Variants in HTR1F observed in about 807,000 individuals in gnomAD.
HTR1F encodes 5-hydroxytryptamine (serotonin) receptor 1F, G protein-coupled.
In HTR1F, 17 loss-of-function variants were observed where a neutral mutation model predicts 24.0. The ratio of observed to expected loss-of-function variants is 0.71; its 90% CI spans 0.48 to 1.06. The LOEUF is 1.06. Ranked by LOEUF, HTR1F falls within the 50% of genes least tolerant of loss-of-function variation. The pLI is 0.00. For synonymous variants in HTR1F, 186 were observed against 156.8 expected (o/e 1.19, Z -1.39); for missense variants, 391 against 427.8 (o/e 0.91, Z 0.76).
chr3:87,833,683 A>T (rs1485553799), intron 2 of HTR1F, among the ~76,000 whole-genome samples: 3 of 152,114 alleles, frequency 2.0e-5, no homozygotes, highest in South Asian at 4.1e-4. Flanking sequence ...CTAGGGTTTC[A>T]CTATATTGCC....
intron 2 of HTR1F, among the ~76,000 whole-genome samples, chr3:87,864,174 C>G (rs761534029): frequency 1.3e-5 from 2 of 152,186 alleles, no homozygotes; most frequent in African/African-American, 2.4e-5. Context: ...AACCTGAACT[C>G]CATCTGCTTC....
At chr3:87,926,764 T>C (rs1704135529) in intron 2 of HTR1F, among the ~76,000 whole-genome samples, 1 of 152,116 alleles carries the variant, frequency 6.6e-6, no homozygotes, top group South Asian at 2.1e-4. Flanking sequence ...TATTACTAAA[T>C]TTTATAAAAT....
intron 2 of HTR1F, among the ~76,000 whole-genome samples, chr3:87,830,264 G>C (rs1352377153): frequency 6.6e-6 from 1 of 151,988 alleles, no homozygotes; most frequent in Non-Finnish European, 1.5e-5. Flanking sequence ...TGGTGTAAAA[G>C]GTAGAACAGT....
chr3:87,848,352 C>T (rs1260892923), intron 2 of HTR1F, among the ~76,000 whole-genome samples: 2 of 151,546 alleles, frequency 1.3e-5, no homozygotes, highest in Admixed American at 6.6e-5. Context: ...GCCCTTTTGC[C>T]CATTTTTTAG....
In HTR1F at chr3:87,844,605, T is replaced by C. The variant is rs1704894228; in HGVS notation, c.-43+22481T>C. ...GTTTTAGACATGAAGTCCTTGCCCA[T>C]GCCTATGTCCTGAATGGTAATGCCT... On this transcript the variant is annotated intron_variant, in intron 2 of 2. Coordinates refer to ENST00000319595, the MANE Select transcript of HTR1F (RefSeq NM_001322209.2). Among the ~76,000 whole-genome samples, 3 of 124,032 alleles carry C rather than the reference T, an allele frequency of 2.4e-5. No individual in the cohort carries two copies. The South Asian group carries it at 8.2e-4, about 34-fold the overall frequency. 81.4% of individuals were successfully genotyped at this position (124,032 alleles called of 152,430 possible).
chr3:87,796,855 G>C (rs1162899603), intron 1 of HTR1F, among the ~76,000 whole-genome samples: 1 of 152,158 alleles, frequency 6.6e-6, no homozygotes, highest in Admixed American at 6.6e-5. Context: ...TTATCTTATA[G>C]ATATGCTTGC....
intron 2 of HTR1F, among the ~76,000 whole-genome samples, chr3:87,931,192 TC>T (rs1054326305): frequency 1.3e-5 from 2 of 151,846 alleles, no homozygotes; most frequent in South Asian, 2.1e-4. Flanking sequence ...ATGCTATCAC[TC>T]CCCCCTCCCC....
chr3:87,983,073 G>A (rs1456271123), intron 2 of HTR1F, among the ~76,000 whole-genome samples: 3 of 152,024 alleles, frequency 2.0e-5, no homozygotes, highest in African/African-American at 4.8e-5. Context: ...ACAAACTAAC[G>A]GGAACATAAT....
intron 2 of HTR1F, among the ~76,000 whole-genome samples, chr3:87,920,660 T>C (rs1309197602): frequency 2.0e-5 from 3 of 151,878 alleles, no homozygotes; most frequent in Admixed American, 6.6e-5. Flanking sequence ...CACTTATAAA[T>C]GGGAGCTAAA....
At chr3:87,849,367 C>T (rs1041244676) in intron 2 of HTR1F, among the ~76,000 whole-genome samples, 2 of 151,606 alleles carry the variant, frequency 1.3e-5, no homozygotes, top group African/African-American at 4.9e-5. Context: ...AAAGGATTCC[C>T]TATTTAATAA....
Position 87,845,312 on chromosome 3 carries a change from A to G in HTR1F, c.-43+23188A>G, listed in dbSNP as rs529687944. Among the ~76,000 whole-genome samples the G allele has an allele frequency of 2.6e-5, 4 of 151,994 alleles. No individual in the cohort carries two copies. In the South Asian group the frequency reaches 8.3e-4, roughly 32 times the overall value. On this transcript the variant is annotated intron_variant, in intron 2 of 2. Coordinates refer to ENST00000319595, the MANE Select transcript of HTR1F (RefSeq NM_001322209.2). The stretch of plus-strand genomic sequence containing the variant: ...CAAATTGTACCTGTTTGCAGATGAC[A>G]TGATTGTATATCTAGAAAACCCCAT...
intron 2 of HTR1F, among the ~76,000 whole-genome samples, chr3:87,934,134 C>T (rs1313347372): frequency 6.6e-6 from 1 of 152,178 alleles, no homozygotes; most frequent in Non-Finnish European, 1.5e-5. Context: ...CTATCTTGAC[C>T]TACTCGAACC....
chr3:87,924,357 T>A (rs572948243), intron 2 of HTR1F, among the ~76,000 whole-genome samples: 101 of 152,204 alleles, frequency 6.6e-4, no homozygotes, highest in South Asian at 1.5e-3. Context: ...TTATTTTTAG[T>A]TTGTTTTGCA....
intron 2 of HTR1F, among the ~76,000 whole-genome samples, chr3:87,932,014 A>G (rs928821154): frequency 1.9e-4 from 29 of 151,994 alleles, no homozygotes; most frequent in Non-Finnish European, 1.3e-4. Context: ...CTCTGATGGT[A>G]GTTTCTTTTG....
intron 2 of HTR1F, among the ~76,000 whole-genome samples, chr3:87,916,309 G>GAAAAAAAAAAA (rs34801984): frequency 2.5e-4 from 28 of 111,040 alleles, no homozygotes; most frequent in Admixed American, 3.9e-4. Flanking sequence ...AAGCAAAAAA[G>GAAAAAAAAAAA]AAAAAAAAAA....
intron 1 of HTR1F, among the ~76,000 whole-genome samples, chr3:87,801,598 G>C (rs1462719197): frequency 6.6e-6 from 1 of 152,140 alleles, no homozygotes; most frequent in Non-Finnish European, 1.5e-5. Context: ...GGACTTGCCA[G>C]GAGGGAGCTT....
chr3:87,968,852 G>A (rs1258598537), intron 2 of HTR1F, among the ~76,000 whole-genome samples: 1 of 152,188 alleles, frequency 6.6e-6, no homozygotes, highest in Non-Finnish European at 1.5e-5. Flanking sequence ...AGGCAAAAAC[G>A]GTTTCCTGGG....
Position 87,993,464 on chromosome 3 carries a change from G to A in HTR1F, c.*1614G>A, listed in dbSNP as rs1576133849. ...TGGAAGTTGTTTACACAGTTATGAT[G>A]GTGCAGAGGAAAAACTGATCGCATC... On this transcript the variant is annotated 3_prime_UTR_variant, in exon 3 of 3. Transcript: ENST00000319595. 2.4e-5 allele frequency: 4 copies of A among 166,980 alleles called. No homozygotes were observed. The Admixed American group carries it at 2.6e-4, about 11-fold the overall frequency. The allele number at this position is 166,980 out of a possible 1,614,324, so 10.3% of individuals were successfully genotyped here.
chr3:87,813,968 T>C (rs1002980467), intron 1 of HTR1F, among the ~76,000 whole-genome samples: 2 of 152,188 alleles, frequency 1.3e-5, no homozygotes, highest in African/African-American at 2.4e-5. Flanking sequence ...TGCAGATTTT[T>C]ACAGCAGTGC....
Sources: gnomAD v4.1 joint callset for allele counts (sites outside exome capture counted in the v4.1 genomes callset) on GRCh38, gnomAD v4.1.1 for gene constraint, MANE v1.5 for transcripts, NCBI Gene and HGNC (gene_info 2026-07-23, HGNC 2026-07-21) for gene names.